The following FANCD2OS variants were observed in gnomAD, a reference collection of about 807,000 sequenced individuals.
FANCD2OS encodes FANCD2 opposite strand protein.
FANCD2OS carries 11 observed loss-of-function variants against 13.2 expected under a neutral mutation model. The observed-to-expected ratio is 0.83, with a 90% CI of 0.52 to 1.38. FANCD2OS has a LOEUF of 1.38. Among genes scored for constraint, FANCD2OS ranks in the 40% most tolerant of loss-of-function variants. The pLI is 0.00. For missense variants in FANCD2OS, 217 were observed against 213.9 expected (o/e 1.01, Z -0.09); for synonymous variants, 69 against 84.5 (o/e 0.82, Z 1.01).
intron 2 of FANCD2OS, chr3:10,095,054 A>C: frequency 2.8e-6 from 2 of 707,414 alleles, no homozygotes; most frequent in Non-Finnish European, 5.1e-6. Flanking sequence ...TATTCCTCCT[A>C]TTTGAGAGGC....
At chr3:10,085,990 C>G (rs1192915900) in intron 2 of FANCD2OS, 6 of 1,055,304 alleles carry the variant, frequency 5.7e-6, no homozygotes, top group Non-Finnish European at 8.9e-6. Context: ...TGGCAACTTT[C>G]TTTAAAATAA....
At chr3:10,106,501 CCTT>C (rs1436892498) in intron 1 of FANCD2OS, among the ~76,000 whole-genome samples, 1 of 152,128 alleles carries the variant, frequency 6.6e-6, no homozygotes, top group Admixed American at 6.5e-5. Context: ...TTTCTCTGCC[CCTT>C]CTTCTCCCAC....
chr3:10,084,782 G>T (rs1422320167), intron 2 of FANCD2OS, among the ~76,000 whole-genome samples: 1 of 152,198 alleles, frequency 6.6e-6, no homozygotes, highest in African/African-American at 2.4e-5. Context: ...GTCAGATTGT[G>T]CTGGGCCTCA....
intron 2 of FANCD2OS, chr3:10,093,162 T>C (rs1575859295): frequency 2.7e-6 from 2 of 739,690 alleles, no homozygotes; most frequent in East Asian, 5.0e-5. Context: ...ATTTAAATGT[T>C]GACATTCCTC....
At chr3:10,087,382 G>A (rs2125073988) in intron 2 of FANCD2OS, 1 of 942,872 alleles carries the variant, frequency 1.1e-6, no homozygotes, top group South Asian at 1.5e-5. Context: ...CATAACCTTG[G>A]ATAGGCCCTC....
chr3:10,107,419 G>A (rs891977894), intron 1 of FANCD2OS, among the ~76,000 whole-genome samples: 2 of 151,870 alleles, frequency 1.3e-5, no homozygotes, highest in Non-Finnish European at 2.9e-5. Context: ...TCCCGTAGCT[G>A]GGACTACAGG....
Position 10,104,504 on chromosome 3 carries a change from G to T in FANCD2OS, c.271C>A (p.Pro91Thr), listed in dbSNP as rs1255383633. 6.8e-6 allele frequency: 11 copies of T among 1,614,194 alleles called. No homozygotes were observed. The highest frequency in any genetic ancestry group is 9.3e-6 in the Non-Finnish European group (11 of 1,180,034). The change falls in exon 2 of 2, where the codon CCC (proline) becomes ACC (threonine). Residue 91 changes from proline (P) to threonine (T), a missense_variant. Pro to Thr is a conservative substitution (Grantham distance 38). Transcript: ENST00000450660. ...ACTCCACTGAGGCGGATGGGCTGGG[G>T]CTTCCTGACCAGTCCTTTGTTGTTC... ...TMNNKGLVRK[P>T]QPIRLSGVDS...
chr3:10,105,758 AAAAAAAAAAAAAATTATATATAT>A (rs1695451851), intron 1 of FANCD2OS, among the ~76,000 whole-genome samples: 1 of 67,788 alleles, frequency 1.5e-5, no homozygotes. Flanking sequence ...CTAAAAAAAA[AAAAAAAAAAAAAATTATATATAT>A]ATATATATAT....
At chr3:10,100,671 G>A (rs1249019838), downstream of FANCD2OS, among the ~76,000 whole-genome samples, 1 of 152,186 alleles carries the variant, frequency 6.6e-6, no homozygotes, top group Admixed American at 6.5e-5. Flanking sequence ...ACCGTGCACT[G>A]CCATACCACC....
At chr3:10,081,603 T>A in intron 2 of FANCD2OS, 1 of 769,828 alleles carries the variant, frequency 1.3e-6, no homozygotes, top group East Asian at 2.4e-5. Flanking sequence ...TGTGGGAGTG[T>A]TTTTGTCTGT....
At chr3:10,093,310 A>G (rs1460599556) in intron 2 of FANCD2OS, 4 of 1,613,260 alleles carry the variant, frequency 2.5e-6, no homozygotes, top group Non-Finnish European at 3.4e-6. Flanking sequence ...CCTGTTCTGC[A>G]TGTATGTTTG....
At chr3:10,088,246 T>G (rs1449919500) in intron 2 of FANCD2OS, among the ~76,000 whole-genome samples, 2 of 152,170 alleles carry the variant, frequency 1.3e-5, no homozygotes, top group Non-Finnish European at 2.9e-5. Context: ...GTGTTGAGCC[T>G]TAGGCAAATG....
downstream of FANCD2OS, chr3:10,103,171 G>A: frequency 2.6e-6 from 1 of 383,332 alleles, no homozygotes; most frequent in Non-Finnish European, 5.1e-6. Context: ...GGGAGGCTGA[G>A]GTGGGCAGGT....
At chr3:10,090,371 G>T in intron 2 of FANCD2OS, 1 of 1,605,142 alleles carries the variant, frequency 6.2e-7, no homozygotes, top group Non-Finnish European at 8.5e-7. Context: ...TGGCACAGCA[G>T]CAGACTCGCA....
chr3:10,102,864 CAAAAT>C (rs1695357898), downstream of FANCD2OS: 9 of 176,286 alleles, frequency 5.1e-5, no homozygotes, highest in South Asian at 6.4e-4. Flanking sequence ...AAAAAAAGAC[CAAAAT>C]AAAATAAAAT....
At chr3:10,086,347 C>T (rs187442408) in intron 2 of FANCD2OS, among the ~76,000 whole-genome samples, 1 of 152,246 alleles carries the variant, frequency 6.6e-6, no homozygotes, top group African/African-American at 2.4e-5. Context: ...AGGGAGGTGA[C>T]ATGATCTCAG....
intron 2 of FANCD2OS, among the ~76,000 whole-genome samples, chr3:10,083,019 G>A (rs1310268934): frequency 6.6e-6 from 1 of 152,164 alleles, no homozygotes; most frequent in African/African-American, 2.4e-5. Flanking sequence ...TTGAGCTCAG[G>A]AGTTCGAGAC....
At chr3:10,087,403 A>G (rs1694283390) in intron 2 of FANCD2OS, 3 of 789,912 alleles carry the variant, frequency 3.8e-6, no homozygotes, top group Non-Finnish European at 6.0e-6. Context: ...TTGCTATACC[A>G]AGAAGGTCAT....
downstream of FANCD2OS, chr3:10,102,976 G>C (rs756101886): frequency 4.3e-5 from 14 of 325,764 alleles, no homozygotes; most frequent in Non-Finnish European, 7.3e-5. Flanking sequence ...CGCTACAAAG[G>C]CCAGATATTG....
Sources: gnomAD v4.1 joint callset for allele counts (sites outside exome capture counted in the v4.1 genomes callset) on GRCh38, gnomAD v4.1.1 for gene constraint, MANE v1.5 for transcripts, NCBI Gene and HGNC (gene_info 2026-07-23, HGNC 2026-07-21) for gene names.